PCDHA4: variants seen among roughly 807,000 people sequenced by gnomAD.
The protein encoded by PCDHA4 is protocadherin alpha-4.
PCDHA4 carries 49 observed loss-of-function variants against 61.4 expected under a neutral mutation model. The observed-to-expected ratio is 0.80, with a 90% CI of 0.63 to 1.01. The LOEUF (loss-of-function observed/expected upper bound fraction) is 1.01. PCDHA4 is among the 50% of genes least tolerant of loss of function. The probability of loss-of-function intolerance (pLI) is 0.00; values close to 1 mark genes in which losing one functional copy is unlikely to be tolerated. For missense variants in PCDHA4, 1,254 were observed against 1,235.8 expected, an observed-to-expected ratio of 1.01 and a Z score of -0.22; for synonymous variants, 590 against 550.3, an observed-to-expected ratio of 1.07 and a Z score of -1.01.
intron 1 of PCDHA4, chr5:140,869,254 G>C (rs2050982255): frequency 6.2e-7 from 1 of 1,613,494 alleles, no homozygotes; most frequent in African/African-American, 1.3e-5. Flanking sequence ...CATCGCGCAG[G>C]ACCTGGGGCT....
At position 141,003,207 on chromosome 5, in the gene PCDHA4, T is replaced by C. The variant is rs141066841; in HGVS notation, c.2534-6420T>C. On this transcript the variant is annotated intron_variant, in intron 3 of 3. Coordinates refer to ENST00000530339, the MANE Select transcript of PCDHA4 (RefSeq NM_018907.4). Reference sequence around the variant, plus strand: ...CATCAACTCAGGCAGCCAGGGTTAGTTTAGCATGAAAGAGGAAAGCTGGAA... The same window carrying C: ...CATCAACTCAGGCAGCCAGGGTTAGCTTAGCATGAAAGAGGAAAGCTGGAA... Among the ~76,000 whole-genome samples the C allele has an allele frequency of 6.3e-3, 959 of 152,338 alleles. 16 individuals carry two copies. The highest frequency in any genetic ancestry group is 0.021 in the African/African-American group (892 of 41,582).
intron 1 of PCDHA4, among the ~76,000 whole-genome samples, chr5:140,949,308 G>T (rs1323575169): frequency 6.6e-6 from 1 of 151,722 alleles, no homozygotes; most frequent in African/African-American, 2.4e-5. Flanking sequence ...TGGGTGTAAT[G>T]ATTTATAAAT....
At chr5:140,915,190 G>A (rs1317793585) in intron 1 of PCDHA4, among the ~76,000 whole-genome samples, 1 of 151,978 alleles carries the variant, frequency 6.6e-6, no homozygotes, top group Non-Finnish European at 1.5e-5. Context: ...CTAGTGATCC[G>A]CCCATCTTGG....
intron 1 of PCDHA4, among the ~76,000 whole-genome samples, chr5:140,962,051 T>C (rs1352018533): frequency 2.0e-5 from 3 of 151,838 alleles, no homozygotes; most frequent in Admixed American, 6.6e-5. Context: ...GCCTGGCTAA[T>C]TTTTTTGTAT....
chr5:140,874,929 G>A lies in PCDHA4; in HGVS notation c.2385+65357G>A, dbSNP rs1554167415. Among the ~76,000 whole-genome samples, 6 of 152,304 alleles carry A rather than the reference G, an allele frequency of 3.9e-5. 1 individual carries two copies. On this transcript the variant is annotated intron_variant, in intron 1 of 3. Transcript: ENST00000530339. ...GATGGAGTGCTTGTGAAGGTTAAAA[G>A]TTATTGAAACAGCGGAATTGTAAGC...
intron 1 of PCDHA4, among the ~76,000 whole-genome samples, chr5:140,934,050 C>G (rs558726288): frequency 6.6e-6 from 1 of 151,834 alleles, no homozygotes; most frequent in African/African-American, 2.4e-5. Flanking sequence ...TTAGTCTTTC[C>G]AAGGCTAACT....
intron 1 of PCDHA4, among the ~76,000 whole-genome samples, chr5:140,959,004 C>G (rs1554223791): frequency 6.6e-6 from 1 of 151,642 alleles, no homozygotes; most frequent in African/African-American, 2.4e-5. Flanking sequence ...TTTACTGTAC[C>G]TAATTTATAC....
At chr5:140,863,741 G>T in intron 1 of PCDHA4, 1 of 249,706 alleles carries the variant, frequency 4.0e-6, no homozygotes, top group East Asian at 1.0e-4. Context: ...ATGCCTATTT[G>T]TAATCCCGGC....
In PCDHA4 at chr5:140,826,188, T is replaced by C. The variant is rs2150142872; in HGVS notation, c.2385+16616T>C. ...TTTTTGTCATTCTATAAATCTAAAG[T>C]TAACAATGGTCACATTTTAAAAAAT... On this transcript the variant is annotated intron_variant, in intron 1 of 3. Coordinates refer to ENST00000530339, the MANE Select transcript of PCDHA4 (RefSeq NM_018907.4). Among the ~76,000 whole-genome samples, 10 of 152,348 alleles carry C rather than the reference T, an allele frequency of 6.6e-5. No homozygotes were observed. The East Asian group carries it at 1.9e-3, about 29-fold the overall frequency.
At chr5:140,859,390 C>A (rs911308831) in intron 1 of PCDHA4, 1 of 268,118 alleles carries the variant, frequency 3.7e-6, no homozygotes, top group Non-Finnish European at 6.7e-6. Context: ...CTCTAGTCAT[C>A]TTAAACAGGG....
chr5:140,834,228 G>A (rs1772850652), intron 1 of PCDHA4: 1 of 716,682 alleles, frequency 1.4e-6, no homozygotes. Flanking sequence ...GCAAAAGGAA[G>A]TCATTCCTTT....
chr5:140,965,672 A>G (rs1586083629), intron 1 of PCDHA4, among the ~76,000 whole-genome samples: 1 of 152,360 alleles, frequency 6.6e-6, no homozygotes, highest in South Asian at 2.1e-4. Context: ...TGATAAATGT[A>G]AAAGATTTGA....
Position 140,978,781 on chromosome 5 carries a change from A to C in PCDHA4, c.2386-168A>C, listed in dbSNP as rs4461687. ...GACCCTGATGAACTAATTTTCTTCT[A>C]AAGTGCTATATATGTAGATATCATC... On this transcript the variant is annotated intron_variant, in intron 1 of 3. Coordinates refer to ENST00000530339, the MANE Select transcript of PCDHA4 (RefSeq NM_018907.4). 2,731 of 969,880 alleles carry C rather than the reference A, an allele frequency of 2.8e-3. 24 individuals carry two copies. The East Asian group carries it at 0.042, about 15-fold the overall frequency. The allele number at this position is 969,880 out of a possible 1,614,324, so 60.1% of individuals were successfully genotyped here.
intron 1 of PCDHA4, among the ~76,000 whole-genome samples, chr5:140,818,242 A>G (rs1413023462): frequency 2.0e-5 from 3 of 152,016 alleles, no homozygotes; most frequent in Non-Finnish European, 4.4e-5. Context: ...TTTATGTGCC[A>G]TTTCTGTTTT....
At chr5:140,958,375 T>A (rs1554223446) in intron 1 of PCDHA4, among the ~76,000 whole-genome samples, 1 of 152,162 alleles carries the variant, frequency 6.6e-6, no homozygotes, top group Non-Finnish European at 1.5e-5. Flanking sequence ...AATGTTGCTA[T>A]TTTCTTAACA....
chr5:141,005,701 CAAAAAAAAA>C (rs59860837), intron 3 of PCDHA4, among the ~76,000 whole-genome samples: 2 of 7,784 alleles, frequency 2.6e-4, no homozygotes, highest in African/African-American at 4.7e-4. Context: ...AACTCCGTCT[CAAAAAAAAA>C]AAAAAAAAAA....
At chr5:140,869,044 C>T (rs2050811433) in intron 1 of PCDHA4, 1 of 1,530,006 alleles carries the variant, frequency 6.5e-7, no homozygotes, top group Non-Finnish European at 8.8e-7. Flanking sequence ...TAACCTGAAA[C>T]TGAAGAATCT....
intron 1 of PCDHA4, among the ~76,000 whole-genome samples, chr5:140,918,680 C>T (rs1291001659): frequency 6.6e-6 from 1 of 152,084 alleles, no homozygotes; most frequent in Non-Finnish European, 1.5e-5. Flanking sequence ...GAGGTGAGAC[C>T]TTTCAAACAT....
chr5:140,919,455 ATGT>A (rs2079137711), intron 1 of PCDHA4, among the ~76,000 whole-genome samples: 1 of 152,118 alleles, frequency 6.6e-6, no homozygotes, highest in Admixed American at 6.5e-5. Flanking sequence ...TATTCACATG[ATGT>A]TACTATTGAT....
Sources: allele counts gnomAD v4.1 joint callset (sites outside exome capture counted in the v4.1 genomes callset), GRCh38; gene constraint gnomAD v4.1.1; transcripts MANE v1.5; gene names NCBI Gene and HGNC (gene_info 2026-07-23, HGNC 2026-07-21).